Variants in ARHGAP39 observed in about 807,000 individuals in gnomAD.
ARHGAP39 encodes the protein rho GTPase-activating protein 39.
Under a neutral mutation model 106.9 loss-of-function variants are expected in ARHGAP39, and 44 were observed. The ratio of observed to expected loss-of-function variants is 0.41; its 90% CI spans 0.32 to 0.53. The LOEUF is 0.53. Ranked by LOEUF, ARHGAP39 falls within the 20% of genes least tolerant of loss-of-function variation. The probability of loss-of-function intolerance (pLI) is 0.21; values close to 1 mark genes in which losing one functional copy is unlikely to be tolerated. For synonymous variants in ARHGAP39, 768 were observed against 693.2 expected, an observed-to-expected ratio of 1.11 and a Z score of -1.69; for missense variants, 1,496 against 1,577.3, an observed-to-expected ratio of 0.95 and a Z score of 0.87.
At chr8:144,698,447 C>T in the ARHGAP39 span, among the ~76,000 whole-genome samples, 20 of 152,260 alleles carry the variant, frequency 1.3e-4, no homozygotes, top group East Asian at 3.1e-3. Flanking sequence ...CAGAAGGCTT[C>T]GTAAAGTGAA....
intron 3 of ARHGAP39, among the ~76,000 whole-genome samples, chr8:144,566,355 A>G (rs895847239): frequency 6.6e-6 from 1 of 151,994 alleles, no homozygotes; most frequent in South Asian, 2.1e-4. Flanking sequence ...CTTGAGTCCA[A>G]GAGTTTGAGA....
chr8:144,676,415 C>G (rs962820317), intron 1 of ARHGAP39, among the ~76,000 whole-genome samples: 4 of 151,630 alleles, frequency 2.6e-5, no homozygotes, highest in African/African-American at 9.7e-5. Context: ...GAGCTAGACA[C>G]GGGTGCTGCT....
chr8:144,561,365 C>A (rs962372754), intron 3 of ARHGAP39, among the ~76,000 whole-genome samples: 3 of 152,092 alleles, frequency 2.0e-5, no homozygotes, highest in Non-Finnish European at 4.4e-5. Context: ...CCATCGGGCC[C>A]CAGTGGTTTC....
chr8:144,590,853 T>C (rs973461728), intron 2 of ARHGAP39, among the ~76,000 whole-genome samples: 1 of 151,916 alleles, frequency 6.6e-6, no homozygotes, highest in Non-Finnish European at 1.5e-5. Context: ...TCCCTGGCCA[T>C]GAGCCTTGTC....
At chr8:144,682,068 A>G (rs1586656150) in intron 1 of ARHGAP39, among the ~76,000 whole-genome samples, 1 of 151,566 alleles carries the variant, frequency 6.6e-6, no homozygotes, top group South Asian at 2.1e-4. Flanking sequence ...GGAGATCGAG[A>G]CCATCCTGGC....
intron 1 of ARHGAP39, among the ~76,000 whole-genome samples, chr8:144,659,747 C>A (rs953030195): frequency 5.3e-4 from 81 of 152,212 alleles, no homozygotes; most frequent in Middle Eastern, 3.2e-3. Flanking sequence ...CTCTGCAGAG[C>A]TAAGCTAACA....
chr8:144,600,349 C>T (rs569370130), intron 2 of ARHGAP39, among the ~76,000 whole-genome samples: 310 of 145,048 alleles, frequency 2.1e-3, no homozygotes, highest in African/African-American at 7.5e-3. Context: ...TGTGCATGTG[C>T]GTGGAGGCAT....
intron 1 of ARHGAP39, among the ~76,000 whole-genome samples, chr8:144,638,999 T>A (rs1479009495): frequency 6.6e-6 from 1 of 152,170 alleles, no homozygotes; most frequent in Admixed American, 6.5e-5. Flanking sequence ...TCTGCCACCC[T>A]TACCTGGAAG....
At chr8:144,551,139 T>C (rs1474886338) in intron 4 of ARHGAP39, among the ~76,000 whole-genome samples, 1 of 150,334 alleles carries the variant, frequency 6.7e-6, no homozygotes, top group Non-Finnish European at 1.5e-5. Flanking sequence ...TGGCAGACGG[T>C]CCCAGCACAG....
intron 1 of ARHGAP39, among the ~76,000 whole-genome samples, chr8:144,685,157 C>T (rs1466875402): frequency 1.4e-5 from 2 of 147,086 alleles, no homozygotes; most frequent in East Asian, 4.0e-4. Context: ...ACTCACACCT[C>T]CCTCGGGCAG....
intron 9 of ARHGAP39, among the ~76,000 whole-genome samples, chr8:144,532,761 G>A (rs1346645027): frequency 6.6e-6 from 1 of 152,198 alleles, no homozygotes; most frequent in African/African-American, 2.4e-5. Flanking sequence ...GGTGAGTCAT[G>A]GGAGTGGGTG....
chr8:144,541,899 T>G (rs1412581131), intron 6 of ARHGAP39, among the ~76,000 whole-genome samples: 1 of 152,048 alleles, frequency 6.6e-6, no homozygotes, highest in Non-Finnish European at 1.5e-5. Context: ...ATATGGGAAT[T>G]ATATTTTTAA....
At chr8:144,681,237 T>C (rs1822409362) in intron 1 of ARHGAP39, among the ~76,000 whole-genome samples, 1 of 151,996 alleles carries the variant, frequency 6.6e-6, no homozygotes, top group South Asian at 2.1e-4. Context: ...AGACAGCCAG[T>C]GTCAGAGGGT....
intron 1 of ARHGAP39, among the ~76,000 whole-genome samples, chr8:144,608,277 T>C (rs997497945): frequency 6.6e-6 from 1 of 151,720 alleles, no homozygotes; most frequent in African/African-American, 2.4e-5. Context: ...TTTTGAAAAG[T>C]AAAACAGCAG....
In ARHGAP39 at chr8:144,652,025, AAC is replaced by A. The variant is rs573472738; in HGVS notation, c.-82+33659_-82+33660del. ...ACACAGGAATAGGAAAAGATTTCAT[AAC>A]ACAGATACAAAAAGCAATGGCAACA... On this transcript the variant is annotated intron_variant, in intron 1 of 11. Transcript: ENST00000377307. 9.8e-5 allele frequency among the ~76,000 whole-genome samples: 15 copies of A among 152,312 alleles called. No individual in the cohort carries two copies. In the East Asian group the frequency reaches 2.7e-3, roughly 27 times the overall value.
In ARHGAP39 at chr8:144,530,539, G is replaced by A; in HGVS notation, c.3228C>T (p.Cys1076=). The A allele has an allele frequency of 6.2e-7, 1 of 1,611,910 alleles. No individual in the cohort carries two copies. The highest frequency in any genetic ancestry group is 1.1e-5 in the South Asian group (1 of 90,926). The stretch of plus-strand genomic sequence containing the variant: ...GCGGGTCGTCGGACTGGCAGCGCAA[G>A]CAGTTGGGCGCCATCACCATGGCCA... ...SNLAMVMAPN[C]LRCQSDDPRV... Residue 1076 remains cysteine (C), a synonymous_variant, in exon 12 of 12, where the codon TGC becomes TGT. Coordinates refer to ENST00000377307, the MANE Select transcript of ARHGAP39 (RefSeq NM_025251.3).
In ARHGAP39 at chr8:144,645,768, G is replaced by A. The variant is rs1220939784; in HGVS notation, c.-82+39918C>T. ...TGGATGGCAGAGGTTTATTTTGTGT[G>A]GAATCCCAACACTAAGGAAAGTCAT... On this transcript the variant is annotated intron_variant, in intron 1 of 11. Coordinates refer to ENST00000377307, the MANE Select transcript of ARHGAP39 (RefSeq NM_025251.3). This position sits in a 1 kb window ranked among gnomAD's most constrained non-coding sequence, Gnocchi z 4.4. Among the ~76,000 whole-genome samples, 1 of 152,238 alleles carries A rather than the reference G, an allele frequency of 6.6e-6. No individual in the cohort carries two copies. Among genetic ancestry groups the A allele is most frequent in the African/African-American group, 2.4e-5 (1 of 41,470 alleles).
chr8:144,661,434 T>C (rs1821819348), intron 1 of ARHGAP39, among the ~76,000 whole-genome samples: 1 of 152,184 alleles, frequency 6.6e-6, no homozygotes, highest in Admixed American at 6.5e-5. Flanking sequence ...CTCAACTCTC[T>C]TGGGCCCATG....
At chr8:144,622,297 T>C (rs531889675) in intron 1 of ARHGAP39, among the ~76,000 whole-genome samples, 99 of 152,032 alleles carry the variant, frequency 6.5e-4, no homozygotes, top group African/African-American at 2.4e-3. Flanking sequence ...TCACTTCCAG[T>C]TTCTTAACGT....
Sources: gnomAD v4.1 joint callset for allele counts (sites outside exome capture counted in the v4.1 genomes callset) on GRCh38, gnomAD v4.1.1 for gene constraint, Gnocchi (gnomAD v3.1) non-coding constraint, MANE v1.5 for transcripts, NCBI Gene and HGNC (gene_info 2026-07-23, HGNC 2026-07-21) for gene names.